Variants in CACNA1E observed in about 807,000 individuals in gnomAD.
CACNA1E encodes calcium voltage-gated channel subunit alpha1 E.
Under a neutral mutation model 259.2 loss-of-function variants are expected in CACNA1E, and 40 were observed. The observed-to-expected ratio is 0.15, with a 90% CI of 0.12 to 0.20. CACNA1E has a LOEUF of 0.20. CACNA1E is among the 10% of genes least tolerant of loss of function. CACNA1E has a pLI of 1.00. For synonymous variants in CACNA1E, 1,104 were observed against 1,138.5 expected, an observed-to-expected ratio of 0.97 and a Z score of 0.61; for missense variants, 1,874 against 3,040.1, an observed-to-expected ratio of 0.62 and a Z score of 9.02.
At chr1:181,715,599 C>T (rs1246835312) in intron 9 of CACNA1E, among the ~76,000 whole-genome samples, 1 of 152,138 alleles carries the variant, frequency 6.6e-6, no homozygotes, top group African/African-American at 2.4e-5. Context: ...GAAAATGAAA[C>T]CCAAGAGTTG....
intron 7 of CACNA1E, among the ~76,000 whole-genome samples, chr1:181,680,160 A>G (rs1353515334): frequency 1.3e-5 from 2 of 150,988 alleles, no homozygotes; most frequent in Non-Finnish European, 2.9e-5. Context: ...GCAGCTAGAC[A>G]GAGAGCAAGA....
In CACNA1E at chr1:181,715,357, A is replaced by G. The variant is rs1425784641; in HGVS notation, c.1191A>G (p.Glu397=). 6.2e-7 allele frequency: 1 copy of G among 1,600,840 alleles called. No homozygotes were observed. Among genetic ancestry groups the G allele is most frequent in the Non-Finnish European group, 8.5e-7 (1 of 1,170,352 alleles). Residue 397 remains glutamate, a synonymous_variant, in exon 9 of 48, where the codon GAA becomes GAG. Transcript: ENST00000367573. ...IDKAEEVMLA[E]ENKNAGTSAL... is the part of the protein sequence containing the mutation. ...ATATAGAGGAAGTCATGCTCGCTGA[A>G]GAAAATAAAAATGCTGGAACATCCG...
At position 181,776,411 on chromosome 1, in the gene CACNA1E, C is replaced by T. The variant is rs984371852; in HGVS notation, c.5267+183C>T. 2 of 584,366 alleles carry T rather than the reference C, an allele frequency of 3.4e-6. No individual in the cohort carries two copies. Among genetic ancestry groups the T allele is most frequent in the Non-Finnish European group, 6.1e-6 (2 of 328,468 alleles). The allele number at this position is 584,366 out of a possible 1,614,324, so 36.2% of individuals were successfully genotyped here. On this transcript the variant is annotated intron_variant, in intron 38 of 47. Coordinates refer to ENST00000367573, the MANE Select transcript of CACNA1E (RefSeq NM_001205293.3). The surrounding 1 kb of genome is among the most constrained non-coding windows in gnomAD (Gnocchi z 4.4). ...AGCCAGTCACCAAGGACTTCTGTAT[C>T]CTCCTTTCCCCTCTCTTTCCTTCTG...
Position 181,510,722 on chromosome 1 carries a change from C to T in CACNA1E, c.372+140C>T, listed in dbSNP as rs1572060279. 3 of 643,472 alleles carry T rather than the reference C, an allele frequency of 4.7e-6. No homozygotes were observed. In the East Asian group the frequency reaches 8.4e-5, roughly 18 times the overall value. The allele number at this position is 643,472 out of a possible 1,614,324, so 39.9% of individuals were successfully genotyped here. On this transcript the variant is annotated intron_variant, in intron 2 of 47. Transcript: ENST00000367573. ...TCTTTGCTGGGGGACAAGCTAATGA[C>T]AGACCCCATGGGGATTCACACGGAA...
At position 181,719,772 on chromosome 1, in the gene CACNA1E, G is replaced by T; in HGVS notation, c.1660G>T (p.Glu554Ter). 1 of 1,602,286 alleles carries T rather than the reference G, an allele frequency of 6.2e-7. No individual in the cohort carries two copies. Reference sequence around the variant, plus strand: ...CTAGGTCACAGTGGGCAGTATCTTTGAAGTGGTCTGGGCAATCTTCAGACC... The same window carrying T: ...CTAGGTCACAGTGGGCAGTATCTTTTAAGTGGTCTGGGCAATCTTCAGACC... ...DFGVTVGSIF[E>*]VVWAIFRPGT... The change falls in exon 13 of 48, where the codon GAA becomes TAA. Residue 554 changes from glutamate (E) to a stop codon, truncating the protein, a stop_gained. Coordinates refer to ENST00000367573, the MANE Select transcript of CACNA1E (RefSeq NM_001205293.3). LOFTEE classifies it high-confidence loss of function.
At chr1:181,563,358 A>G (rs554558420) in intron 3 of CACNA1E, among the ~76,000 whole-genome samples, 1 of 152,276 alleles carries the variant, frequency 6.6e-6, no homozygotes, top group South Asian at 2.1e-4. Context: ...GACTTGCCTG[A>G]AAGAGTTATT....
chr1:181,526,210 T>C (rs753326099), intron 3 of CACNA1E, among the ~76,000 whole-genome samples: 1 of 152,102 alleles, frequency 6.6e-6, no homozygotes, highest in Non-Finnish European at 1.5e-5. Flanking sequence ...GCAACATCCC[T>C]GTGAGGTAGG....
intron 1 of CACNA1E, among the ~76,000 whole-genome samples, chr1:181,379,965 G>GATATATAT (rs150620283): frequency 4.2e-5 from 6 of 143,538 alleles, no homozygotes; most frequent in African/African-American, 1.0e-4. Flanking sequence ...ACTGTCATAA[G>GATATATAT]ATATATATAT....
At chr1:181,767,396 T>TTGTC (rs1659113381) in intron 35 of CACNA1E, among the ~76,000 whole-genome samples, 1 of 152,196 alleles carries the variant, frequency 6.6e-6, no homozygotes, top group African/African-American at 2.4e-5. Context: ...GGCTTTCTGC[T>TTGTC]TGTCTCCAGA....
chr1:181,647,105 T>C (rs1240988094), intron 6 of CACNA1E, among the ~76,000 whole-genome samples: 2 of 152,154 alleles, frequency 1.3e-5, no homozygotes, highest in Non-Finnish European at 1.5e-5. Flanking sequence ...CAGTGCTCCA[T>C]GTAAGAGGAC....
chr1:181,751,633 C>T (rs920106038), intron 26 of CACNA1E, among the ~76,000 whole-genome samples: 1 of 152,182 alleles, frequency 6.6e-6, no homozygotes, highest in Admixed American at 6.5e-5. Flanking sequence ...AAGTCTAGTG[C>T]CCTGATGAGA....
chr1:181,745,259 G>A, intron 25 of CACNA1E: 1 of 389,598 alleles, frequency 2.6e-6, no homozygotes, highest in South Asian at 2.1e-5. Context: ...TGGTACTGCT[G>A]AGGAACTGCC....
chr1:181,622,554 C>T (rs1276321310), intron 6 of CACNA1E, among the ~76,000 whole-genome samples: 2 of 152,136 alleles, frequency 1.3e-5, no homozygotes, highest in Non-Finnish European at 2.9e-5. Flanking sequence ...TTTCTGTGTG[C>T]ATGCATCTTT....
At chr1:181,409,996 G>C (rs971254313) in intron 1 of CACNA1E, among the ~76,000 whole-genome samples, 1 of 152,150 alleles carries the variant, frequency 6.6e-6, no homozygotes, top group Non-Finnish European at 1.5e-5. Context: ...CCTGGTGAGA[G>C]CTGGGAGGGT....
intron 2 of CACNA1E, among the ~76,000 whole-genome samples, chr1:181,466,457 A>G (rs1444474945): frequency 6.6e-6 from 1 of 152,060 alleles, no homozygotes; most frequent in Non-Finnish European, 1.5e-5. Context: ...CTGAGACATG[A>G]GAATCGCTTG....
chr1:181,681,188 C>T (rs907686470), intron 7 of CACNA1E, among the ~76,000 whole-genome samples: 2 of 152,160 alleles, frequency 1.3e-5, no homozygotes, highest in Admixed American at 6.5e-5. Flanking sequence ...CTGTTCTGAG[C>T]GTGATTGCCT....
intron 3 of CACNA1E, among the ~76,000 whole-genome samples, chr1:181,527,899 A>G (rs1667480867): frequency 2.0e-5 from 3 of 151,558 alleles, no homozygotes; most frequent in Admixed American, 2.0e-4. Context: ...TTTATTTGCT[A>G]TTTATTAGAC....
At chr1:181,352,910 TG>T (rs1283307025) in intron 1 of CACNA1E, among the ~76,000 whole-genome samples, 1 of 59,304 alleles carries the variant, frequency 1.7e-5, no homozygotes, top group Non-Finnish European at 3.1e-5. Context: ...AGAGGAGCAG[TG>T]GGCCGGCTCC....
chr1:181,572,315 A>G (rs2102942641), intron 3 of CACNA1E, among the ~76,000 whole-genome samples: 1 of 152,342 alleles, frequency 6.6e-6, no homozygotes, highest in Admixed American at 6.5e-5. Flanking sequence ...CTGCTGTGCC[A>G]CTGTGCTATG....
Sources: allele counts gnomAD v4.1 joint callset (sites outside exome capture counted in the v4.1 genomes callset), GRCh38; gene constraint gnomAD v4.1.1; non-coding constraint Gnocchi (gnomAD v3.1); transcripts MANE v1.5; gene names NCBI Gene and HGNC (gene_info 2026-07-23, HGNC 2026-07-21).